The following KANSL3 variants were observed in gnomAD, a reference collection of about 807,000 sequenced individuals.
KANSL3 encodes NSL complex protein NSL3.
In KANSL3, 16 loss-of-function variants were observed where a neutral mutation model predicts 89.2. The observed-to-expected ratio is 0.18, with a 90% CI of 0.12 to 0.27. The LOEUF is 0.27. Ranked by LOEUF, KANSL3 falls within the 10% of genes least tolerant of loss-of-function variation. The pLI is 1.00. For synonymous variants in KANSL3, 385 were observed against 419.7 expected (o/e 0.92, Z 1.01); for missense variants, 879 against 1,110.6 (o/e 0.79, Z 2.96).
intron 3 of KANSL3, among the ~76,000 whole-genome samples, chr2:96,625,522 C>T (rs934155455): frequency 6.6e-6 from 1 of 152,176 alleles, no homozygotes; most frequent in East Asian, 1.9e-4. Flanking sequence ...CATAATGATG[C>T]TTTCCCTATT....
chr2:96,591,863 C>T (rs573967954), downstream of KANSL3, among the ~76,000 whole-genome samples: 2 of 148,848 alleles, frequency 1.3e-5, no homozygotes, highest in South Asian at 2.1e-4. Flanking sequence ...AGGCAAGTAC[C>T]AAAACCGTGA....
At chr2:96,620,337 T>A (rs1314178558) in intron 3 of KANSL3, among the ~76,000 whole-genome samples, 1 of 152,176 alleles carries the variant, frequency 6.6e-6, no homozygotes, top group Non-Finnish European at 1.5e-5. Flanking sequence ...CCATATATAT[T>A]TTTTGTATTT....
In KANSL3 at chr2:96,594,274, G is replaced by A. The variant is rs188115433; in HGVS notation, c.*1337C>T. Reference sequence around the variant, plus strand: ...GGACACTTGAGTGGAGTCACACTTGGGTTGCCTAATTTATTACCTTAACTA... The same window carrying A: ...GGACACTTGAGTGGAGTCACACTTGAGTTGCCTAATTTATTACCTTAACTA... On this transcript the variant is annotated 3_prime_UTR_variant, in exon 21 of 21. Coordinates refer to ENST00000431828, the MANE Select transcript of KANSL3 (RefSeq NM_001115016.3). 6.6e-5 allele frequency: 10 copies of A among 152,326 alleles called. No homozygotes were observed. Among genetic ancestry groups the A allele is most frequent in the Non-Finnish European group, 1.2e-4 (8 of 68,046 alleles). 9.4% of individuals were successfully genotyped at this position (152,326 alleles called of 1,614,324 possible). A position where few individuals can be genotyped will look rare whatever the true frequency, so the allele number is the denominator to read the frequency against.
At chr2:96,596,042 A>G (rs2066496695) in intron 20 of KANSL3, among the ~76,000 whole-genome samples, 1 of 152,216 alleles carries the variant, frequency 6.6e-6, no homozygotes, top group Non-Finnish European at 1.5e-5. Flanking sequence ...AGAAAAAAGG[A>G]AATAGGTGAG....
intron 3 of KANSL3, among the ~76,000 whole-genome samples, chr2:96,621,498 A>C (rs1484861671): frequency 6.6e-6 from 1 of 150,860 alleles, no homozygotes; most frequent in Non-Finnish European, 1.5e-5. Flanking sequence ...TGGGTGACAG[A>C]GTGAGACTCT....
chr2:96,622,424 GAACC>G (rs1042438955), intron 3 of KANSL3, among the ~76,000 whole-genome samples: 2 of 148,322 alleles, frequency 1.3e-5, no homozygotes, highest in African/African-American at 4.9e-5. Flanking sequence ...AAAAAAAAAA[GAACC>G]AACAAATGCA....
rs79268317 is a variant in KANSL3, at chr2:96,607,994, C to A, written c.1741+514G>T. ...TCTATAGCTCCTTTCATAGCACTCGCAGCTCACCAAACTCTTACTTTCGAC... is the reference window on the plus strand; with the variant it reads ...TCTATAGCTCCTTTCATAGCACTCGAAGCTCACCAAACTCTTACTTTCGAC... On this transcript the variant is annotated intron_variant, in intron 14 of 20. Coordinates refer to ENST00000431828, the MANE Select transcript of KANSL3 (RefSeq NM_001115016.3). Among the ~76,000 whole-genome samples the A allele has an allele frequency of 1.0e-3, 159 of 152,322 alleles. 5 individuals are homozygous for A. In the East Asian group the frequency reaches 0.026, roughly 25 times the overall value.
chr2:96,591,390 T>C (rs1311135184), downstream of KANSL3, among the ~76,000 whole-genome samples: 1 of 152,198 alleles, frequency 6.6e-6, no homozygotes, highest in East Asian at 1.9e-4. Flanking sequence ...TTTGTGCTGA[T>C]GGAACCATTC....
intron 6 of KANSL3, 117 bp from the exon 7 acceptor site, chr2:96,613,051 G>A: frequency 4.2e-6 from 3 of 707,686 alleles, no homozygotes; most frequent in Non-Finnish European, 7.5e-6. Flanking sequence ...GTGAAATTAT[G>A]TTAAGCACTA....
chr2:96,612,412 C>A (rs773394890), intron 8 of KANSL3, 50 bp downstream of exon 8: 47 of 1,603,048 alleles, frequency 2.9e-5, no homozygotes, highest in African/African-American at 5.4e-5. Context: ...TGCAGAACAA[C>A]CCCAGAATGC....
At chr2:96,590,184 A>G (rs1052989465), downstream of KANSL3, among the ~76,000 whole-genome samples, 1 of 138,796 alleles carries the variant, frequency 7.2e-6, no homozygotes, top group Non-Finnish European at 1.6e-5. Context: ...TAAATAAATA[A>G]TAAAAGAGAC....
chr2:96,607,681 G>A (rs557760124), intron 14 of KANSL3, among the ~76,000 whole-genome samples: 2 of 152,312 alleles, frequency 1.3e-5, no homozygotes, highest in African/African-American at 4.8e-5. Flanking sequence ...ACTCACAAGA[G>A]GTCTGGGTTT....
intron 5 of KANSL3, among the ~76,000 whole-genome samples, chr2:96,616,646 T>C (rs1028640131): frequency 6.6e-6 from 1 of 152,190 alleles, no homozygotes; most frequent in Non-Finnish European, 1.5e-5. Flanking sequence ...AATATAGTCA[T>C]GGGAAAATAA....
chr2:96,587,464 A>T, the KANSL3 span, among the ~76,000 whole-genome samples: 1 of 152,208 alleles, frequency 6.6e-6, no homozygotes, highest in African/African-American at 2.4e-5. Flanking sequence ...CCCCAATGTC[A>T]ATGAAAGCCA....
In KANSL3 at chr2:96,595,715, C is replaced by T; in HGVS notation, c.2617-84G>A. ...AGACCCTCTATCCCAATTATCCCAA[C>T]TCCTGAGAATTTATTTTAAAGAATT... On this transcript the variant is annotated intron_variant, in intron 20 of 20. Transcript: ENST00000431828. 11 of 1,428,944 alleles carry T rather than the reference C, an allele frequency of 7.7e-6. No individual in the cohort carries two copies. The South Asian group carries it at 1.4e-4, about 18-fold the overall frequency. The allele number at this position is 1,428,944 out of a possible 1,614,324, so 88.5% of individuals were successfully genotyped here.
Position 96,601,702 on chromosome 2 carries a change from C to G in KANSL3, c.2557G>C (p.Gly853Arg), listed in dbSNP as rs772431793. 27 of 1,613,042 alleles carry G rather than the reference C, an allele frequency of 1.7e-5. 2 individuals are homozygous for G. The South Asian group carries it at 2.6e-4, about 16-fold the overall frequency. ...TCCTCGGATGGGGCTGCTCCTGAGC[C>G]CATAGGGCTCAGTGTAGTGATCCTG... ...PSRITTLSPM[G>R]SGAAPSEESS... Residue 853 changes from glycine to arginine, a missense_variant, in exon 20 of 21, where the codon GGC becomes CGC. Transcript: ENST00000431828.
At chr2:96,606,231 G>A (rs2067961535) in intron 14 of KANSL3, 1 of 152,396 alleles carries the variant, frequency 6.6e-6, no homozygotes, top group Admixed American at 6.5e-5. Context: ...CTAGTCCCCA[G>A]GTCATGTGTA....
rs1292756596 is a variant in KANSL3, at chr2:96,638,310, C to T, written c.-78G>A. On this transcript the variant is annotated 5_prime_UTR_variant, in exon 1 of 21. Transcript: ENST00000431828. ...GCGGTCTTACGGCCGCGCGCTCGGCCACGGCCGGATCCCTAAGCGCGTGCG... is the reference window on the plus strand; with the variant it reads ...GCGGTCTTACGGCCGCGCGCTCGGCTACGGCCGGATCCCTAAGCGCGTGCG... The T allele has an allele frequency of 6.6e-6, 1 of 152,290 alleles. No individual in the cohort carries two copies. The highest frequency in any genetic ancestry group is 1.5e-5 in the Non-Finnish European group (1 of 68,074). The allele number at this position is 152,290 out of a possible 1,614,324, so 9.4% of individuals were successfully genotyped here.
chr2:96,608,763 G>A lies in KANSL3; in HGVS notation c.1585-99C>T. On this transcript the variant is annotated intron_variant, in intron 13 of 20. Coordinates refer to ENST00000431828, the MANE Select transcript of KANSL3 (RefSeq NM_001115016.3). ...GAATTCCCCTTGTAGGAACTCACAG[G>A]CCCATGGCACTAATAAGACAGAGGC... The A allele has an allele frequency of 1.9e-6, 3 of 1,555,248 alleles. 1 individual carries two copies. The South Asian group carries it at 3.5e-5, about 18-fold the overall frequency.
Sources: gnomAD v4.1 joint callset for allele counts (sites outside exome capture counted in the v4.1 genomes callset) on GRCh38, gnomAD v4.1.1 for gene constraint, MANE v1.5 for transcripts, NCBI Gene and HGNC (gene_info 2026-07-23, HGNC 2026-07-21) for gene names.